Variants in EPRS1 observed in about 807,000 individuals in gnomAD.
EPRS1 encodes bifunctional glutamate/proline--tRNA ligase.
EPRS1 carries 107 observed loss-of-function variants against 188.3 expected under a neutral mutation model. The ratio of observed to expected loss-of-function variants is 0.57; its 90% CI spans 0.49 to 0.67. The LOEUF (loss-of-function observed/expected upper bound fraction) is 0.67. Among genes scored for constraint, EPRS1 ranks in the 30% least tolerant of loss-of-function variants. The pLI, the probability that EPRS1 is intolerant of heterozygous loss-of-function variation, is 0.00. For synonymous variants in EPRS1, 596 were observed against 593.1 expected, an observed-to-expected ratio of 1.00 and a Z score of -0.07; for missense variants, 1,577 against 1,802.2, an observed-to-expected ratio of 0.88 and a Z score of 2.26.
chr1:220,045,425 GC>G (rs987034325), intron 1 of EPRS1, among the ~76,000 whole-genome samples: 2 of 152,034 alleles, frequency 1.3e-5, no homozygotes, highest in African/African-American at 4.8e-5. Flanking sequence ...GATCATCTGA[GC>G]CCGGAAGTTC....
intron 19 of EPRS1, among the ~76,000 whole-genome samples, chr1:219,988,137 C>G (rs1311465100): frequency 1.3e-5 from 2 of 152,158 alleles, no homozygotes; most frequent in East Asian, 3.8e-4. Context: ...AAAACCTACT[C>G]CTAAAAAGAT....
At chr1:219,985,675 C>T (rs200755730) in intron 20 of EPRS1, among the ~76,000 whole-genome samples, 2 of 152,068 alleles carry the variant, frequency 1.3e-5, no homozygotes, top group African/African-American at 4.8e-5. Context: ...AAAGTGCTGG[C>T]ATTACAGGTG....
intron 21 of EPRS1, 24 bp from the exon 22 acceptor site, chr1:219,983,422 T>C: frequency 6.4e-7 from 1 of 1,566,942 alleles, no homozygotes; most frequent in Non-Finnish European, 8.7e-7. Flanking sequence ...AAATAGTCTT[T>C]AAAGCTTACA....
Position 220,024,408 on chromosome 1 carries a change from T to C in EPRS1, c.799A>G (p.Thr267Ala), listed in dbSNP as rs928790488. The change falls in exon 8 of 32, where the codon ACT (threonine) becomes GCT (alanine). Residue 267 changes from threonine to alanine, a missense_variant. Thr to Ala is a moderately conservative substitution (Grantham distance 58). Transcript: ENST00000366923. ...GTTTCAAAATGATCCGAAGTATAAG[T>C]AAATTGATCTGGTTTGATATGCAAC... is the stretch of plus-strand genomic sequence containing the variant. ...AMLHIKPDQF[T>A]YTSDHFETIM... is the part of the protein sequence containing the mutation. 1 of 1,610,372 alleles carries C rather than the reference T, an allele frequency of 6.2e-7. No individual in the cohort carries two copies. Among genetic ancestry groups the C allele is most frequent in the African/African-American group, 1.3e-5 (1 of 74,776 alleles).
chr1:220,013,045 G>A (rs1414532758), intron 12 of EPRS1, among the ~76,000 whole-genome samples: 1 of 152,132 alleles, frequency 6.6e-6, no homozygotes, highest in African/African-American at 2.4e-5. Context: ...TTATACTACT[G>A]AAATACATAC....
chr1:219,997,175 C>A lies in EPRS1; in HGVS notation c.2349G>T (p.Gln783His). ...PKEDVDAAVK[Q>H]LLSLKAEYKE... ...TATATTCAGCTTTCAAAGACAAAAG[C>A]TGTTTTACAGCTGCATCTACATCTT... The change falls in exon 18 of 32, where the codon CAG becomes CAT. Residue 783 changes from glutamine (Q) to histidine (H), a missense_variant. This residue lies in a region of EPRS1 where 1,278 missense variants were observed against 1,457.4 expected (regional missense o/e 0.88). Coordinates refer to ENST00000366923, the MANE Select transcript of EPRS1 (RefSeq NM_004446.3). The A allele has an allele frequency of 6.2e-7, 1 of 1,614,052 alleles. No homozygotes were observed. Among genetic ancestry groups the A allele is most frequent in the Non-Finnish European group, 8.5e-7 (1 of 1,179,970 alleles).
At chr1:220,035,096 G>T in intron 2 of EPRS1, 83 bp from the exon 3 acceptor site, 1 of 683,404 alleles carries the variant, frequency 1.5e-6, no homozygotes, top group Non-Finnish European at 2.5e-6. Context: ...ATGTAAAAAT[G>T]GAAACTTTAT....
chr1:219,972,195 GA>G (rs1660680912), intron 29 of EPRS1, 48 bp from the exon 30 acceptor site: 2 of 1,241,890 alleles, frequency 1.6e-6, no homozygotes, highest in Non-Finnish European at 2.3e-6. Flanking sequence ...TCACAAATAT[GA>G]CAAAGTTTTA....
chr1:220,022,376 T>C lies in EPRS1; in HGVS notation c.1086A>G (p.Gln362=). Residue 362 remains glutamine (Q), a synonymous_variant, in exon 9 of 32, where the codon CAA becomes CAG. Transcript: ENST00000366923. ...RDPTLYRCKI[Q]PHPRTGNKYN... is the part of the protein sequence containing the mutation. ...ATTTATTTCCAGTTCTTGGATGTGG[T>C]TGAATTTTGCAGCGATAAAGGGTTG... The C allele has an allele frequency of 6.2e-7, 1 of 1,613,580 alleles. No individual in the cohort carries two copies. The highest frequency in any genetic ancestry group is 8.5e-7 in the Non-Finnish European group (1 of 1,179,868).
At chr1:219,982,491 T>G in intron 23 of EPRS1, 1 of 254,844 alleles carries the variant, frequency 3.9e-6, no homozygotes. Flanking sequence ...TAAAAATTAT[T>G]CTAAGAATAA....
chr1:220,001,866 T>A (rs1661359288), intron 16 of EPRS1, among the ~76,000 whole-genome samples: 1 of 151,568 alleles, frequency 6.6e-6, no homozygotes, highest in South Asian at 2.1e-4. Flanking sequence ...CCATCGCTAC[T>A]AAAATACAAA....
intron 6 of EPRS1, among the ~76,000 whole-genome samples, chr1:220,026,873 T>C (rs1661982921): frequency 1.3e-5 from 2 of 151,914 alleles, no homozygotes; most frequent in South Asian, 2.1e-4. Flanking sequence ...GAAAAGTTTA[T>C]GAAATTATAT....
rs1396619733 is a variant in EPRS1 at position 220,001,147 on chromosome 1, T to C, written c.2172A>G (p.Thr724=). The change falls in exon 17 of 32, where the codon ACA becomes ACG. Residue 724 remains threonine (T), a synonymous_variant. Transcript: ENST00000366923. ...CCGTAAAAGTCATTACCTCATTTTT[T>C]GTGGCTTCTACTTTGGTCTTTTCCT... The part of the protein sequence containing the change: ...GSKEKTKVEA[T]KNETSAPFKE... 3.8e-6 allele frequency: 6 copies of C among 1,597,290 alleles called. No homozygotes were observed. In the South Asian group the frequency reaches 4.4e-5, roughly 12 times the overall value.
chr1:220,020,683 C>T (rs1162354915), intron 9 of EPRS1, among the ~76,000 whole-genome samples: 1 of 106,424 alleles, frequency 9.4e-6, no homozygotes. Flanking sequence ...AAAAACAGTG[C>T]TCCATTCACT....
At chr1:220,025,027 G>A (rs1661947656) in intron 7 of EPRS1, 105 bp downstream of exon 7, 2 of 1,098,634 alleles carry the variant, frequency 1.8e-6, no homozygotes, top group African/African-American at 1.5e-5. Context: ...AGGGAAAAAA[G>A]CAGCTATGAG....
intron 9 of EPRS1, 40 bp downstream of exon 9, chr1:220,022,307 C>A (rs772152540): frequency 6.5e-7 from 1 of 1,542,638 alleles, no homozygotes; most frequent in Non-Finnish European, 8.8e-7. Context: ...AAAACAAAAG[C>A]ACAGATGGCT....
At chr1:219,969,170 C>A in intron 30 of EPRS1, 48 bp from the exon 31 acceptor site, 1 of 1,265,886 alleles carries the variant, frequency 7.9e-7, no homozygotes, top group Non-Finnish European at 1.2e-6. Flanking sequence ...TCCTTCAATT[C>A]TATTCTGCAG....
At chr1:220,040,065 A>T in intron 2 of EPRS1, 120 bp downstream of exon 2, 1 of 640,858 alleles carries the variant, frequency 1.6e-6, no homozygotes, top group Non-Finnish European at 2.8e-6. Context: ...CACGAGTTCT[A>T]GGTACAGTGA....
chr1:220,015,307 A>G (rs1428343105), intron 12 of EPRS1, among the ~76,000 whole-genome samples: 1 of 142,378 alleles, frequency 7.0e-6, no homozygotes, highest in Non-Finnish European at 1.5e-5. Context: ...TACTAAAGCT[A>G]CAAAACTTAG....
Sources: allele counts gnomAD v4.1 joint callset (sites outside exome capture counted in the v4.1 genomes callset), GRCh38; gene constraint gnomAD v4.1.1; regional missense constraint gnomAD v4.1.1; transcripts MANE v1.5; gene names NCBI Gene and HGNC (gene_info 2026-07-23, HGNC 2026-07-21).